Variants in APP observed in about 807,000 individuals in gnomAD.
APP encodes the protein amyloid beta precursor protein.
APP carries 31 observed loss-of-function variants against 101.4 expected under a neutral mutation model. The ratio of observed to expected loss-of-function variants is 0.31; its 90% CI spans 0.23 to 0.41. APP has a LOEUF of 0.41. APP is among the 10% of genes least tolerant of loss of function. The pLI is 1.00. For synonymous variants in APP, 366 were observed against 364.4 expected (o/e 1.00, Z -0.05); for missense variants, 839 against 1,003.7 (o/e 0.84, Z 2.22).
intron 11 of APP, among the ~76,000 whole-genome samples, chr21:25,955,960 G>A (rs1397542124): frequency 6.6e-6 from 1 of 152,068 alleles, no homozygotes; most frequent in African/African-American, 2.4e-5. Context: ...ACTTCCACAA[G>A]AGCATTTAAC....
At chr21:26,099,789 C>T (rs1270174221) in intron 2 of APP, among the ~76,000 whole-genome samples, 1 of 152,170 alleles carries the variant, frequency 6.6e-6, no homozygotes, top group Admixed American at 6.5e-5. Flanking sequence ...TGAGAGGCAG[C>T]GTGCAGCTGA....
At chr21:26,156,279 G>C (rs1434924273) in intron 1 of APP, among the ~76,000 whole-genome samples, 1 of 152,004 alleles carries the variant, frequency 6.6e-6, no homozygotes, top group Non-Finnish European at 1.5e-5. Flanking sequence ...TATCTAACTA[G>C]GAACGTTGCA....
chr21:26,141,232 T>C (rs2063038648), intron 1 of APP, among the ~76,000 whole-genome samples: 1 of 152,230 alleles, frequency 6.6e-6, no homozygotes, highest in Admixed American at 6.5e-5. Context: ...CATTGGTTCA[T>C]TATTTAAGCT....
intron 13 of APP, among the ~76,000 whole-genome samples, chr21:25,918,727 C>G (rs1046670513): frequency 6.6e-5 from 10 of 151,530 alleles, no homozygotes; most frequent in South Asian, 2.1e-4. Flanking sequence ...CTCGGAGGGT[C>G]CTACGCCCAC....
chr21:25,939,702 C>T (rs118141171), intron 13 of APP, among the ~76,000 whole-genome samples: 4,775 of 152,246 alleles, frequency 0.031, 103 homozygotes, highest in South Asian at 0.049. Context: ...TGCCAACCAG[C>T]AGTCTGGAAA....
chr21:26,020,383 T>C (rs2044285358), intron 6 of APP, among the ~76,000 whole-genome samples: 1 of 152,192 alleles, frequency 6.6e-6, no homozygotes, highest in Admixed American at 6.5e-5. Flanking sequence ...TTGGCAAATT[T>C]CTTAAAGCCG....
intron 13 of APP, among the ~76,000 whole-genome samples, chr21:25,921,604 A>G (rs1468467379): frequency 6.9e-6 from 1 of 144,648 alleles, no homozygotes; most frequent in Non-Finnish European, 1.5e-5. Flanking sequence ...AAACCTCTAC[A>G]CAAATAAACT....
At chr21:26,105,699 T>C (rs2062168385) in intron 2 of APP, among the ~76,000 whole-genome samples, 1 of 152,166 alleles carries the variant, frequency 6.6e-6, no homozygotes, top group African/African-American at 2.4e-5. Flanking sequence ...GAATTCAAGA[T>C]GCACAATTTG....
intron 13 of APP, among the ~76,000 whole-genome samples, chr21:25,953,221 C>T (rs919724939): frequency 1.3e-5 from 2 of 152,174 alleles, no homozygotes; most frequent in Non-Finnish European, 2.9e-5. Flanking sequence ...ACCTCCCTGA[C>T]ATATGAAGTT....
chr21:25,947,781 C>T (rs527773918), intron 13 of APP, among the ~76,000 whole-genome samples: 2 of 151,948 alleles, frequency 1.3e-5, no homozygotes, highest in Non-Finnish European at 2.9e-5. Context: ...GATGGGCAGA[C>T]CACCTGAGAT....
At chr21:26,016,490 A>G (rs144546556) in intron 6 of APP, among the ~76,000 whole-genome samples, 2 of 152,394 alleles carry the variant, frequency 1.3e-5, no homozygotes, top group African/African-American at 4.8e-5. Context: ...TAATTTTGAC[A>G]TGAGTGTAGC....
intron 3 of APP, among the ~76,000 whole-genome samples, chr21:26,081,045 T>C (rs1439615927): frequency 6.6e-6 from 1 of 152,214 alleles, no homozygotes; most frequent in African/African-American, 2.4e-5. Context: ...AGATTATATG[T>C]TACATGTGAA....
intron 1 of APP, among the ~76,000 whole-genome samples, chr21:26,124,043 T>C (rs1218106490): frequency 1.3e-5 from 2 of 152,150 alleles, no homozygotes; most frequent in African/African-American, 2.4e-5. Flanking sequence ...CTAGGGGTTA[T>C]TCCCTACTCT....
chr21:25,950,066 G>A (rs1237391637), intron 13 of APP, among the ~76,000 whole-genome samples: 2 of 152,166 alleles, frequency 1.3e-5, no homozygotes, highest in East Asian at 3.9e-4. Context: ...AATGCCAGAG[G>A]GCTTGGCTCC....
At chr21:25,895,486 G>A (rs1046549022) in intron 16 of APP, among the ~76,000 whole-genome samples, 4 of 151,970 alleles carry the variant, frequency 2.6e-5, no homozygotes, top group Admixed American at 2.0e-4. Context: ...ATATGTACTG[G>A]GAAGCCAAAA....
intron 5 of APP, among the ~76,000 whole-genome samples, chr21:26,050,320 A>G (rs1276130489): frequency 2.6e-5 from 4 of 152,218 alleles, no homozygotes; most frequent in African/African-American, 9.6e-5. Context: ...TCAATGCCTG[A>G]ACCAGATGGC....
At chr21:26,131,691 T>A (rs564897514) in intron 1 of APP, among the ~76,000 whole-genome samples, 112 of 152,368 alleles carry the variant, frequency 7.4e-4, no homozygotes, top group African/African-American at 2.6e-3. Context: ...TGACTTGAAC[T>A]AATACCTAAT....
At chr21:26,022,099 A>G in intron 5 of APP, 57 bp from the exon 6 acceptor site, 1 of 1,590,216 alleles carries the variant, frequency 6.3e-7, no homozygotes, top group Non-Finnish European at 8.6e-7. Context: ...TCAGGGAAGG[A>G]AAAGAAAAGT....
chr21:26,162,412 TA>T (rs2063510953), intron 1 of APP, among the ~76,000 whole-genome samples: 1 of 152,196 alleles, frequency 6.6e-6, no homozygotes, highest in South Asian at 2.1e-4. Context: ...TTAAGATGAA[TA>T]AACCTTTAAT....
Sources: gnomAD v4.1 joint callset for allele counts (sites outside exome capture counted in the v4.1 genomes callset) on GRCh38, gnomAD v4.1.1 for gene constraint, MANE v1.5 for transcripts, NCBI Gene and HGNC (gene_info 2026-07-23, HGNC 2026-07-21) for gene names.